The following MKLN1 variants were observed in gnomAD, a reference collection of about 807,000 sequenced individuals.
MKLN1 encodes muskelin 1, also known as muskelin.
In MKLN1, 18 loss-of-function variants were observed where a neutral mutation model predicts 99.0. The observed-to-expected ratio is 0.18, with a 90% CI of 0.13 to 0.27. The LOEUF (loss-of-function observed/expected upper bound fraction) is 0.27. Ranked by LOEUF, MKLN1 falls within the 10% of genes least tolerant of loss-of-function variation. The pLI, the probability that MKLN1 is intolerant of heterozygous loss-of-function variation, is 1.00. For missense variants in MKLN1, 621 were observed against 875.9 expected, an observed-to-expected ratio of 0.71 and a Z score of 3.67; for synonymous variants, 288 against 293.2, an observed-to-expected ratio of 0.98 and a Z score of 0.18.
intron 1 of MKLN1, among the ~76,000 whole-genome samples, chr7:131,364,222 C>T (rs973177722): frequency 1.3e-5 from 2 of 152,042 alleles, no homozygotes; most frequent in Non-Finnish European, 2.9e-5. Flanking sequence ...TATTTATTTA[C>T]ATGTACTTAT....
chr7:131,336,357 A>T (rs894909365), intron 1 of MKLN1, among the ~76,000 whole-genome samples: 1 of 151,992 alleles, frequency 6.6e-6, no homozygotes, highest in Non-Finnish European at 1.5e-5. Flanking sequence ...TTTCTTGTTA[A>T]GAATAAACAG....
intron 3 of MKLN1, among the ~76,000 whole-genome samples, chr7:131,302,655 T>C (rs1798393235): frequency 6.6e-6 from 1 of 152,202 alleles, no homozygotes; most frequent in South Asian, 2.1e-4. Flanking sequence ...CCTGCCCGCC[T>C]TCTATGCAGC....
At chr7:131,435,160 C>G (rs947350780) in intron 9 of MKLN1, among the ~76,000 whole-genome samples, 1 of 152,118 alleles carries the variant, frequency 6.6e-6, no homozygotes, top group East Asian at 1.9e-4. Flanking sequence ...GTCAGATTAT[C>G]CTGATTGATT....
At chr7:131,336,665 A>G (rs939567677) in intron 1 of MKLN1, among the ~76,000 whole-genome samples, 4 of 152,100 alleles carry the variant, frequency 2.6e-5, no homozygotes, top group Non-Finnish European at 4.4e-5. Flanking sequence ...TTGCATATTC[A>G]TTAGGATTTT....
At chr7:131,451,290 T>G (rs1354121392) in intron 12 of MKLN1, among the ~76,000 whole-genome samples, 1 of 152,146 alleles carries the variant, frequency 6.6e-6, no homozygotes, top group Non-Finnish European at 1.5e-5. Context: ...ATTACTGTAA[T>G]TTGAGATGGA....
At chr7:131,154,566 TC>T (rs879535202) in intron 2 of MKLN1, among the ~76,000 whole-genome samples, 2 of 152,128 alleles carry the variant, frequency 1.3e-5, no homozygotes, top group Admixed American at 1.3e-4. Context: ...GTCTCCTAGG[TC>T]CTCTGTTCAC....
intron 2 of MKLN1, among the ~76,000 whole-genome samples, chr7:131,176,255 T>C (rs949828601): frequency 1.3e-5 from 2 of 152,222 alleles, no homozygotes; most frequent in Non-Finnish European, 2.9e-5. Flanking sequence ...GAAGTACTAA[T>C]TTATGGAAAT....
chr7:131,298,193 C>T (rs1320684614), intron 3 of MKLN1, among the ~76,000 whole-genome samples: 1 of 152,076 alleles, frequency 6.6e-6, no homozygotes, highest in African/African-American at 2.4e-5. Flanking sequence ...ATGGCGTGAA[C>T]CCAGGAGGTG....
At chr7:131,383,302 A>C (rs553115956) in intron 2 of MKLN1, among the ~76,000 whole-genome samples, 1 of 152,302 alleles carries the variant, frequency 6.6e-6, no homozygotes, top group South Asian at 2.1e-4. Flanking sequence ...AAGTCTAAGA[A>C]AGTGATATTG....
chr7:131,254,540 T>C (rs1371265942), intron 3 of MKLN1, among the ~76,000 whole-genome samples: 2 of 151,810 alleles, frequency 1.3e-5, no homozygotes, highest in Non-Finnish European at 2.9e-5. Flanking sequence ...CTTAAAGAAG[T>C]AAAGGAAGGG....
intron 17 of MKLN1, among the ~76,000 whole-genome samples, chr7:131,479,847 AATT>A (rs1461689950): frequency 5.9e-5 from 4 of 67,628 alleles, no homozygotes; most frequent in East Asian, 5.7e-4. Flanking sequence ...AATAATAATA[AATT>A]TAAATAAATA....
At chr7:131,343,028 T>C (rs1482455446) in intron 1 of MKLN1, among the ~76,000 whole-genome samples, 1 of 152,236 alleles carries the variant, frequency 6.6e-6, no homozygotes, top group African/African-American at 2.4e-5. Flanking sequence ...AGGCTAAGTA[T>C]GAGTAAGTGA....
intron 2 of MKLN1, among the ~76,000 whole-genome samples, chr7:131,380,082 C>T (rs765611484): frequency 1.3e-5 from 2 of 152,078 alleles, no homozygotes. Flanking sequence ...GACCCTGAAG[C>T]TATGTCTGAA....
chr7:131,176,400 A>AT (rs1796299505), intron 2 of MKLN1, among the ~76,000 whole-genome samples: 1 of 152,208 alleles, frequency 6.6e-6, no homozygotes, highest in Non-Finnish European at 1.5e-5. Context: ...CAACAGCTAA[A>AT]TTTGGAAGTT....
chr7:131,110,962 AC>A (rs1353136647), intron 1 of MKLN1, among the ~76,000 whole-genome samples: 21 of 152,346 alleles, frequency 1.4e-4, no homozygotes, highest in African/African-American at 5.0e-4. Flanking sequence ...GCCCTTTGCC[AC>A]AGGGGATTCA....
intron 1 of MKLN1, among the ~76,000 whole-genome samples, chr7:131,142,373 T>C (rs761930741): frequency 6.0e-5 from 9 of 150,482 alleles, no homozygotes; most frequent in Non-Finnish European, 1.2e-4. Flanking sequence ...ATCGCGCCAC[T>C]GTACTTCAGC....
chr7:131,225,883 G>C (rs1272421155), intron 3 of MKLN1, among the ~76,000 whole-genome samples: 1 of 152,058 alleles, frequency 6.6e-6, no homozygotes, highest in African/African-American at 2.4e-5. Context: ...ACCCAAGAAG[G>C]GAAAAAAGGT....
At chr7:131,452,181 T>A (rs1232793383) in intron 12 of MKLN1, among the ~76,000 whole-genome samples, 2 of 152,214 alleles carry the variant, frequency 1.3e-5, no homozygotes, top group African/African-American at 2.4e-5. Context: ...GGTCTCTCTT[T>A]GTCTGGGTCT....
chr7:131,438,426 G>C (rs948027529), intron 10 of MKLN1, among the ~76,000 whole-genome samples: 1 of 149,296 alleles, frequency 6.7e-6, no homozygotes, highest in Non-Finnish European at 1.5e-5. Context: ...AATATATTTT[G>C]TTTTGTTTAT....
Sources: allele counts gnomAD v4.1 joint callset (sites outside exome capture counted in the v4.1 genomes callset), GRCh38; gene constraint gnomAD v4.1.1; transcripts MANE v1.5; gene names NCBI Gene and HGNC (gene_info 2026-07-23, HGNC 2026-07-21).